Variants in JARID2 observed in about 807,000 individuals in gnomAD.
The protein encoded by JARID2 is jumonji and AT-rich interaction domain containing 2, also known as protein Jumonji.
JARID2 carries 21 observed loss-of-function variants against 125.6 expected under a neutral mutation model. The ratio of observed to expected loss-of-function variants is 0.17; its 90% CI spans 0.12 to 0.24. The LOEUF (loss-of-function observed/expected upper bound fraction) is 0.24. Among genes scored for constraint, JARID2 ranks in the 10% least tolerant of loss-of-function variants. The pLI is 1.00. For missense variants in JARID2, 1,303 were observed against 1,639.6 expected (o/e 0.79, Z 3.55); for synonymous variants, 736 against 661.6 (o/e 1.11, Z -1.73).
chr6:15,266,468 G>A (rs999694797), intron 1 of JARID2, among the ~76,000 whole-genome samples: 3 of 152,180 alleles, frequency 2.0e-5, no homozygotes, highest in Non-Finnish European at 2.9e-5. Flanking sequence ...CCCGCTGGGG[G>A]AAGGACTAAT....
Position 15,372,716 on chromosome 6 carries a change from A to T in JARID2, c.46-1401A>T, listed in dbSNP as rs567378013. ...GCTTCCATTTCTTATTTATTTATTT[A>T]TTTTTTTTTTTGAGACTGAGTCTCA... On this transcript the variant is annotated intron_variant, in intron 1 of 17. Coordinates refer to ENST00000341776, the MANE Select transcript of JARID2 (RefSeq NM_004973.4). 3.5e-3 allele frequency among the ~76,000 whole-genome samples: 514 copies of T among 146,010 alleles called. 1 individual carries two copies. The highest frequency in any genetic ancestry group is 0.012 in the African/African-American group (461 of 39,250).
At chr6:15,292,543 A>G (rs1459940444) in intron 1 of JARID2, among the ~76,000 whole-genome samples, 3 of 152,230 alleles carry the variant, frequency 2.0e-5, no homozygotes, top group Admixed American at 2.0e-4. Context: ...ATGATTTGCC[A>G]GAAATGTAAC....
At chr6:15,374,006 G>A (rs1378498500) in intron 1 of JARID2, 111 bp from the exon 2 acceptor site, 15 of 1,211,990 alleles carry the variant, frequency 1.2e-5, no homozygotes, top group South Asian at 1.2e-4. Flanking sequence ...GAACTGGGTC[G>A]TGGTCACACA....
chr6:15,375,271 C>G (rs1764309624), intron 2 of JARID2, among the ~76,000 whole-genome samples: 1 of 152,206 alleles, frequency 6.6e-6, no homozygotes. Context: ...GATGACCTCT[C>G]TGAACTTCAC....
chr6:15,416,468 T>C (rs1766218047), intron 3 of JARID2, among the ~76,000 whole-genome samples: 1 of 152,082 alleles, frequency 6.6e-6, no homozygotes, highest in Non-Finnish European at 1.5e-5. Flanking sequence ...GGCGGATCAC[T>C]CGCGGTTAGG....
rs776009522 is a variant in JARID2 at position 15,496,826 on chromosome 6, A to T, written c.1601A>T (p.His534Leu). ...NRSTSQPESV[H>L]KPQDSGKAEK... ...TCTACCTCGCAACCGGAGTCCGTGCACAAGCCGCAGGACTCGGGCAAGGCC... is the reference window on the plus strand; with the variant it reads ...TCTACCTCGCAACCGGAGTCCGTGCTCAAGCCGCAGGACTCGGGCAAGGCC... Residue 534 changes from histidine to leucine, a missense_variant, in exon 7 of 18, where the codon CAC becomes CTC. This residue lies in a region of JARID2 where 651 missense variants were observed against 581.6 expected (regional missense o/e 1.12). Coordinates refer to ENST00000341776, the MANE Select transcript of JARID2 (RefSeq NM_004973.4). The T allele has an allele frequency of 6.2e-7, 1 of 1,602,868 alleles. No individual in the cohort carries two copies. The highest frequency in any genetic ancestry group is 1.7e-5 in the Admixed American group (1 of 59,416).
chr6:15,310,697 G>A (rs1167075796), intron 1 of JARID2, among the ~76,000 whole-genome samples: 1 of 152,204 alleles, frequency 6.6e-6, no homozygotes. Flanking sequence ...TCCAGGAGAT[G>A]GGATTTCAAT....
Position 15,496,268 on chromosome 6 carries a change from C to A in JARID2, c.1043C>A (p.Thr348Lys). The A allele has an allele frequency of 6.2e-7, 1 of 1,614,208 alleles. No homozygotes were observed. The highest frequency in any genetic ancestry group is 8.5e-7 in the Non-Finnish European group (1 of 1,180,042). ...YTATVTKGAV[T>K]YTKAKRELVK... ...GCCACGGTGACGAAGGGGGCTGTCACATACACCAAAGCCAAGAGAGAACTG... is the reference window on the plus strand; with the variant it reads ...GCCACGGTGACGAAGGGGGCTGTCAAATACACCAAAGCCAAGAGAGAACTG... The change falls in exon 7 of 18, where the codon ACA becomes AAA. Residue 348 changes from threonine to lysine, a missense_variant. Thr to Lys is a moderately conservative substitution (Grantham distance 78). Transcript: ENST00000341776.
chr6:15,334,955 A>G (rs760335141), intron 1 of JARID2, among the ~76,000 whole-genome samples: 2 of 152,180 alleles, frequency 1.3e-5, no homozygotes, highest in Non-Finnish European at 2.9e-5. Flanking sequence ...TAATTTCTTC[A>G]TGATGCAGAT....
intron 3 of JARID2, among the ~76,000 whole-genome samples, chr6:15,428,939 C>G (rs1437885814): frequency 2.7e-5 from 4 of 145,568 alleles, no homozygotes; most frequent in African/African-American, 5.2e-5. Context: ...AACCCCCCCC[C>G]CAAAAAAAAA....
chr6:15,418,435 C>CT (rs1354517705), intron 3 of JARID2, among the ~76,000 whole-genome samples: 1 of 152,116 alleles, frequency 6.6e-6, no homozygotes, highest in Non-Finnish European at 1.5e-5. Context: ...AGGATGGTCT[C>CT]TATCTCCTAA....
intron 2 of JARID2, among the ~76,000 whole-genome samples, chr6:15,382,400 A>G (rs1681223050): frequency 6.6e-6 from 1 of 152,210 alleles, no homozygotes; most frequent in African/African-American, 2.4e-5. Flanking sequence ...GTCTTGAAAG[A>G]TGCGAGAGAT....
chr6:15,312,847 A>G (rs575933772), intron 1 of JARID2, among the ~76,000 whole-genome samples: 10 of 152,306 alleles, frequency 6.6e-5, no homozygotes, highest in African/African-American at 1.9e-4. Flanking sequence ...CACTGAAAGA[A>G]CCTAGTAACT....
intron 1 of JARID2, among the ~76,000 whole-genome samples, chr6:15,272,515 G>C (rs1760336863): frequency 6.6e-6 from 1 of 152,212 alleles, no homozygotes; most frequent in Non-Finnish European, 1.5e-5. Flanking sequence ...GCTTTACACA[G>C]ACAGCATTTT....
intron 12 of JARID2, 95 bp downstream of exon 12, chr6:15,508,549 C>A: frequency 1.4e-6 from 1 of 738,558 alleles, no homozygotes; most frequent in Non-Finnish European, 2.4e-6. Context: ...CCAGGTGGTT[C>A]CACGTGCTTG....
chr6:15,247,815 G>A, intron 1 of JARID2: 3 of 985,380 alleles, frequency 3.0e-6, no homozygotes, highest in Non-Finnish European at 3.6e-6. Flanking sequence ...AACTTAGAAA[G>A]CTGTTCCATA....
chr6:15,323,297 T>C (rs1762419708), intron 1 of JARID2, among the ~76,000 whole-genome samples: 1 of 152,256 alleles, frequency 6.6e-6, no homozygotes, highest in Non-Finnish European at 1.5e-5. Flanking sequence ...TCTTTCCTTT[T>C]CTTTCTTACA....
At chr6:15,407,678 T>C (rs1765707143) in intron 2 of JARID2, among the ~76,000 whole-genome samples, 1 of 152,210 alleles carries the variant, frequency 6.6e-6, no homozygotes. Flanking sequence ...TTAGGCTTAC[T>C]GCAAATCCCA....
At chr6:15,455,878 T>G (rs1768154670) in intron 4 of JARID2, among the ~76,000 whole-genome samples, 1 of 152,240 alleles carries the variant, frequency 6.6e-6, no homozygotes, top group South Asian at 2.1e-4. Flanking sequence ...TGGCTACTTT[T>G]GGGAAAGGAA....
Sources: allele counts gnomAD v4.1 joint callset (sites outside exome capture counted in the v4.1 genomes callset), GRCh38; gene constraint gnomAD v4.1.1; regional missense constraint gnomAD v4.1.1; transcripts MANE v1.5; gene names NCBI Gene and HGNC (gene_info 2026-07-23, HGNC 2026-07-21).